The following FDFT1 variants were observed in gnomAD, a reference collection of about 807,000 sequenced individuals.
FDFT1 encodes farnesyl-diphosphate farnesyltransferase 1.
FDFT1 carries 68 observed loss-of-function variants against 46.8 expected under a neutral mutation model. That is an observed-to-expected ratio of 1.45 (90% confidence interval 1.19 to 1.78). The LOEUF is 1.78. FDFT1 is among the 40% of genes most tolerant of loss of function. FDFT1 has a pLI of 0.00. For synonymous variants in FDFT1, 351 were observed against 185.1 expected, an observed-to-expected ratio of 1.90 and a Z score of -7.28; for missense variants, 928 against 524.4, an observed-to-expected ratio of 1.77 and a Z score of -7.52.
At chr8:11,834,612 C>T (rs1426411396) in intron 7 of FDFT1, among the ~76,000 whole-genome samples, 2 of 152,168 alleles carry the variant, frequency 1.3e-5, no homozygotes, top group Admixed American at 1.3e-4. Flanking sequence ...TCAGAATCTG[C>T]CTTTTTTTCC....
At chr8:11,814,243 T>C (rs1199236749) in intron 3 of FDFT1, among the ~76,000 whole-genome samples, 2 of 152,084 alleles carry the variant, frequency 1.3e-5, no homozygotes, top group Non-Finnish European at 2.9e-5. Context: ...CTTGAACAGC[T>C]GTTGTGCAAA....
rs140063318 is a variant in FDFT1, at chr8:11,830,296, T to G, written c.755T>G (p.Ile252Ser). ...KLGDFAKPENIDLAVQCLNEL... is the reference protein window; with the variant it reads ...KLGDFAKPENSDLAVQCLNEL... ...GGGGATTTTGCTAAGCCGGAGAATA[T>G]TGACTTGGCCGTGCAGTGCCTGAAT... Residue 252 changes from isoleucine (I) to serine (S), a missense_variant, in exon 6 of 8, where the codon ATT becomes AGT. By Grantham distance (142) the Ile-to-Ser change is moderately radical (BLOSUM62 -2). Transcript: ENST00000220584. 1 of 1,613,912 alleles carries G rather than the reference T, an allele frequency of 6.2e-7. No individual in the cohort carries two copies. The highest frequency in any genetic ancestry group is 8.5e-7 in the Non-Finnish European group (1 of 1,179,908).
chr8:11,802,212 T>G, upstream of FDFT1: 1 of 405,856 alleles, frequency 2.5e-6, no homozygotes, highest in East Asian at 7.1e-5. Context: ...TGTGTTACAG[T>G]AAAGACGCCC....
At chr8:11,823,021 C>A (rs1042274023) in intron 4 of FDFT1, among the ~76,000 whole-genome samples, 3 of 152,034 alleles carry the variant, frequency 2.0e-5, no homozygotes, top group African/African-American at 7.3e-5. Context: ...GTGGTGTGAT[C>A]ACGGCTCCCC....
Position 11,821,768 on chromosome 8 carries a change from A to C in FDFT1, c.400A>C (p.Asn134His). ...DFPTISLEFRNLAEKYQTVIA... is the reference protein window; with the variant it reads ...DFPTISLEFRHLAEKYQTVIA... ...ATTTCAGATCTCCCTTGAGTTTAGA[A>C]ATCTGGCTGAGAAATACCAAACAGT... Residue 134 changes from asparagine to histidine, a missense_variant, in exon 4 of 8, where the codon AAT (asparagine) becomes CAT (histidine). Physicochemically the swap from Asn to His is moderately conservative, Grantham distance 68 (BLOSUM62 1). Transcript: ENST00000220584. 6.2e-7 allele frequency: 1 copy of C among 1,613,476 alleles called. No individual in the cohort carries two copies. The highest frequency in any genetic ancestry group is 1.1e-5 in the South Asian group (1 of 91,066).
At chr8:11,826,913 A>T (rs1317582350) in intron 5 of FDFT1, among the ~76,000 whole-genome samples, 2 of 152,240 alleles carry the variant, frequency 1.3e-5, no homozygotes, top group East Asian at 3.8e-4. Context: ...ACGTCTACAC[A>T]GTACACACAG....
chr8:11,821,624 C>T, intron 3 of FDFT1, 126 bp from the exon 4 acceptor site: 1 of 1,131,660 alleles, frequency 8.8e-7, no homozygotes, highest in Non-Finnish European at 1.3e-6. Context: ...AAATGTGTGA[C>T]CTAAATTAGG....
chr8:11,832,658 C>T (rs1811000116), intron 7 of FDFT1, among the ~76,000 whole-genome samples: 2 of 150,016 alleles, frequency 1.3e-5, no homozygotes, highest in Non-Finnish European at 3.0e-5. Flanking sequence ...GTGATTTGCT[C>T]CCCTCCCCCC....
At chr8:11,818,644 T>C (rs954170716) in intron 3 of FDFT1, among the ~76,000 whole-genome samples, 1 of 152,164 alleles carries the variant, frequency 6.6e-6, no homozygotes, top group Non-Finnish European at 1.5e-5. Context: ...TTGATCTTAG[T>C]TGGTTTAAAG....
At position 11,830,264 on chromosome 8, in the gene FDFT1, G is replaced by C; in HGVS notation, c.723G>C (p.Lys241Asn). 6.2e-7 allele frequency: 1 copy of C among 1,614,022 alleles called. No homozygotes were observed. Among genetic ancestry groups the C allele is most frequent in the Non-Finnish European group, 8.5e-7 (1 of 1,179,882 alleles). ...TCTAGGTTTGGAGCAGGTATGTTAA[G>C]AAGTTAGGGGATTTTGCTAAGCCGG... ...WPQEVWSRYV[K>N]KLGDFAKPEN... The change falls in exon 6 of 8, where the codon AAG becomes AAC. Residue 241 changes from lysine to asparagine, a missense_variant. Lys to Asn is a moderately conservative substitution (Grantham distance 94). Coordinates refer to ENST00000220584, the MANE Select transcript of FDFT1 (RefSeq NM_004462.5).
At chr8:11,810,980 T>G (rs1436419758) in intron 3 of FDFT1, among the ~76,000 whole-genome samples, 1 of 149,586 alleles carries the variant, frequency 6.7e-6, no homozygotes, top group East Asian at 1.9e-4. Context: ...GGAAGACTCT[T>G]GCGGTGCAAA....
At chr8:11,806,364 G>T (rs931879249) in intron 1 of FDFT1, among the ~76,000 whole-genome samples, 3 of 152,264 alleles carry the variant, frequency 2.0e-5, no homozygotes, top group Non-Finnish European at 4.4e-5. Flanking sequence ...GTTTTCCATA[G>T]TATGCTTACT....
chr8:11,833,532 A>G (rs557854541), intron 7 of FDFT1, among the ~76,000 whole-genome samples: 68 of 152,348 alleles, frequency 4.5e-4, no homozygotes, highest in African/African-American at 1.3e-3. Flanking sequence ...GGCCAATTCC[A>G]TTACTATATT....
chr8:11,835,971 T>TAAAAAAAAAAAAAAAAAAAAAA (rs755611965), intron 7 of FDFT1, among the ~76,000 whole-genome samples: 2 of 64,612 alleles, frequency 3.1e-5, no homozygotes, highest in African/African-American at 5.1e-5. Flanking sequence ...CTGTCTCTAC[T>TAAAAAAAAAAAAAAAAAAAAAA]AAAAAAAAAA....
At chr8:11,831,492 T>C (rs752001620) in intron 6 of FDFT1, 26 bp from the exon 7 acceptor site, 154 of 1,601,630 alleles carry the variant, frequency 9.6e-5, no homozygotes, top group Non-Finnish European at 1.2e-4. Context: ...TTTCTTCTTT[T>C]TTCCCTCTCT....
At chr8:11,821,924 C>T (rs1388221052) in intron 4 of FDFT1, 46 bp downstream of exon 4, 1 of 1,594,282 alleles carries the variant, frequency 6.3e-7, no homozygotes, top group Admixed American at 1.7e-5. Context: ...TTAGACAGAG[C>T]TGGCAGTCCT....
intron 6 of FDFT1, among the ~76,000 whole-genome samples, chr8:11,831,268 G>C (rs1320795459): frequency 6.6e-6 from 1 of 152,166 alleles, no homozygotes; most frequent in East Asian, 1.9e-4. Flanking sequence ...AAATAAAATG[G>C]AACTTTTGTG....
rs1193627230 is a variant in FDFT1 at position 11,804,433 on chromosome 8, A to T, written c.99+1502A>T. 3.9e-5 allele frequency among the ~76,000 whole-genome samples: 6 copies of T among 152,078 alleles called. No individual in the cohort carries two copies. The East Asian group carries it at 7.7e-4, about 20-fold the overall frequency. ...TGAGTTTTTTTAAAAGCGAGACTTG[A>T]GCTATTCTAGCTCTGATAATATGGT... On this transcript the variant is annotated intron_variant, in intron 1 of 7. Coordinates refer to ENST00000220584, the MANE Select transcript of FDFT1 (RefSeq NM_004462.5).
chr8:11,808,864 T>C lies in FDFT1; in HGVS notation c.170T>C (p.Val57Ala). Reference protein sequence around the residue: ...LNQTSRSFAAVIQALDGEMRN... With the variant: ...LNQTSRSFAAAIQALDGEMRN... The stretch of plus-strand genomic sequence containing the variant: ...CAGACCAGTCGCAGTTTCGCAGCTG[T>C]TATCCAGGCGCTGGATGGGGAAATG... The change falls in exon 2 of 8, where the codon GTT (valine) becomes GCT (alanine). Residue 57 changes from valine to alanine, a missense_variant. Val to Ala is a moderately conservative substitution (Grantham distance 64). Coordinates refer to ENST00000220584, the MANE Select transcript of FDFT1 (RefSeq NM_004462.5). The C allele has an allele frequency of 6.2e-7, 1 of 1,614,036 alleles. No individual in the cohort carries two copies.
Sources: gnomAD v4.1 joint callset for allele counts (sites outside exome capture counted in the v4.1 genomes callset) on GRCh38, gnomAD v4.1.1 for gene constraint, MANE v1.5 for transcripts, NCBI Gene and HGNC (gene_info 2026-07-23, HGNC 2026-07-21) for gene names.